PARK7: variants seen among roughly 807,000 people sequenced by gnomAD.
PARK7 encodes the protein Parkinsonism associated deglycase, also known as Parkinson disease protein 7.
In PARK7, 14 loss-of-function variants were observed where a neutral mutation model predicts 20.5. The ratio of observed to expected loss-of-function variants is 0.68; its 90% CI spans 0.45 to 1.07. The LOEUF (loss-of-function observed/expected upper bound fraction) is 1.07. PARK7 is among the 50% of genes least tolerant of loss of function. PARK7 has a pLI of 0.00. For synonymous variants in PARK7, 98 were observed against 84.3 expected (o/e 1.16, Z -0.89); for missense variants, 234 against 238.1 (o/e 0.98, Z 0.11).
At chr1:7,978,931 G>T (rs1640646625) in intron 6 of PARK7, among the ~76,000 whole-genome samples, 2 of 150,564 alleles carry the variant, frequency 1.3e-5, no homozygotes, top group South Asian at 4.2e-4. Flanking sequence ...TAACTAAAAT[G>T]AGATCTACTA....
At chr1:7,969,034 A>T in intron 3 of PARK7, 1 of 260,940 alleles carries the variant, frequency 3.8e-6, no homozygotes, top group Non-Finnish European at 7.4e-6. Flanking sequence ...GTGATTGTAC[A>T]CATACACGCA....
At chr1:7,968,126 G>A (rs1640367352) in intron 3 of PARK7, among the ~76,000 whole-genome samples, 1 of 151,682 alleles carries the variant, frequency 6.6e-6, no homozygotes, top group Non-Finnish European at 1.5e-5. Context: ...TGGTCAAGAG[G>A]GTGAAACCCC....
intron 6 of PARK7, among the ~76,000 whole-genome samples, chr1:7,979,924 G>C (rs375480578): frequency 1.3e-4 from 20 of 152,152 alleles, no homozygotes; most frequent in African/African-American, 4.1e-4. Context: ...GGGGAGGCCG[G>C]TGGGGGAGGT....
chr1:7,978,506 TC>T (rs1386232757), intron 6 of PARK7, among the ~76,000 whole-genome samples: 2 of 150,854 alleles, frequency 1.3e-5, no homozygotes, highest in African/African-American at 4.9e-5. Context: ...GACTCTCCTG[TC>T]TCAGCCTCCC....
chr1:7,972,308 C>CA (rs1640481994), intron 5 of PARK7, among the ~76,000 whole-genome samples: 1 of 151,978 alleles, frequency 6.6e-6, no homozygotes, highest in South Asian at 2.1e-4. Context: ...AACAAACAAA[C>CA]AAACAAAAAA....
intron 5 of PARK7, among the ~76,000 whole-genome samples, chr1:7,976,542 T>C (rs1000823782): frequency 2.0e-5 from 3 of 152,180 alleles, no homozygotes; most frequent in African/African-American, 4.8e-5. Context: ...GACACTTCCA[T>C]GTGGTTCTTT....
At chr1:7,968,023 T>G (rs1368933436) in intron 3 of PARK7, among the ~76,000 whole-genome samples, 2 of 152,062 alleles carry the variant, frequency 1.3e-5, no homozygotes, top group Admixed American at 6.6e-5. Flanking sequence ...TACTAAAGTA[T>G]TGTTGGCCGG....
intron 3 of PARK7, among the ~76,000 whole-genome samples, chr1:7,966,340 A>G (rs1214233765): frequency 2.6e-5 from 4 of 151,918 alleles, no homozygotes; most frequent in African/African-American, 9.7e-5. Context: ...ACTGGATTGT[A>G]GAAAATTAGA....
chr1:7,965,030 G>T (rs769349983), intron 2 of PARK7, among the ~76,000 whole-genome samples: 1 of 152,156 alleles, frequency 6.6e-6, no homozygotes, highest in Non-Finnish European at 1.5e-5. Flanking sequence ...ATTTGGTATA[G>T]TTGTGGTGCA....
rs1347804778 is a variant in PARK7, at chr1:7,977,885, G to C, written c.409+147G>C. 7.6e-6 allele frequency: 5 copies of C among 661,822 alleles called. No individual in the cohort carries two copies. The African/African-American group carries it at 9.0e-5, about 12-fold the overall frequency. 41.0% of individuals were successfully genotyped at this position (661,822 alleles called of 1,614,324 possible). On this transcript the variant is annotated intron_variant, in intron 6 of 6. Transcript: ENST00000338639. ...AGCGATTCTTCTCTCTCAGCCTCCT[G>C]AGTAGCTGGGATTACAGGCGCATGC...
chr1:7,965,924 C>G (rs1169741700), intron 3 of PARK7, among the ~76,000 whole-genome samples: 1 of 152,198 alleles, frequency 6.6e-6, no homozygotes, highest in Non-Finnish European at 1.5e-5. Context: ...ATCCTCCCAC[C>G]TCAACCCCCC....
intron 5 of PARK7, among the ~76,000 whole-genome samples, chr1:7,973,061 A>T (rs530816575): frequency 4.6e-5 from 7 of 152,260 alleles, no homozygotes; most frequent in African/African-American, 1.7e-4. Flanking sequence ...AAAAAGTAAT[A>T]ATTTTTAATA....
At chr1:7,969,184 C>A (rs1020046905) in intron 3 of PARK7, 161 bp from the exon 4 acceptor site, 2 of 610,312 alleles carry the variant, frequency 3.3e-6, no homozygotes, top group South Asian at 2.2e-5. Flanking sequence ...AACACCATTC[C>A]GTCATGTGGA....
At chr1:7,977,000 A>G (rs919239248) in intron 5 of PARK7, among the ~76,000 whole-genome samples, 10 of 152,312 alleles carry the variant, frequency 6.6e-5, no homozygotes, top group East Asian at 3.9e-4. Context: ...GAATACAGGC[A>G]TGAGCCACCG....
rs1469236748 is a variant in PARK7 at position 7,969,532 on chromosome 1, A to G, written c.252+128A>G. The G allele has an allele frequency of 9.2e-6, 7 of 757,420 alleles. No homozygotes were observed. The Admixed American group carries it at 1.3e-4, about 14-fold the overall frequency. The allele number at this position is 757,420 out of a possible 1,614,324, so 46.9% of individuals were successfully genotyped here. ...ATATTTCGGGAGGAGGCTGTGAAAAAAAAATAGAAACAACTAAAATTAACA... is the reference window on the plus strand; with the variant it reads ...ATATTTCGGGAGGAGGCTGTGAAAAGAAAATAGAAACAACTAAAATTAACA... On this transcript the variant is annotated intron_variant, in intron 4 of 6. Coordinates refer to ENST00000338639, the MANE Select transcript of PARK7 (RefSeq NM_007262.5).
chr1:7,982,641 G>A (rs1401313245), intron 6 of PARK7, among the ~76,000 whole-genome samples: 1 of 152,118 alleles, frequency 6.6e-6, no homozygotes, highest in Non-Finnish European at 1.5e-5. Flanking sequence ...GTTGTGCCTC[G>A]CGTTGTCCCA....
intron 4 of PARK7, among the ~76,000 whole-genome samples, chr1:7,969,714 G>A (rs537700611): frequency 2.6e-5 from 4 of 152,076 alleles, no homozygotes; most frequent in African/African-American, 9.6e-5. Flanking sequence ...TGAGTAGCTG[G>A]GATTGCAGGC....
At chr1:7,965,222 A>G (rs924084722) in intron 2 of PARK7, 102 bp from the exon 3 acceptor site, 11 of 1,044,870 alleles carry the variant, frequency 1.1e-5, no homozygotes, top group Non-Finnish European at 1.5e-5. Context: ...AGCCCAGGTG[A>G]CAGGGTGAGA....
At chr1:7,969,320 T>G (rs190257170) in intron 3 of PARK7, 25 bp from the exon 4 acceptor site, 3 of 1,585,564 alleles carry the variant, frequency 1.9e-6, no homozygotes, top group South Asian at 2.3e-5. Context: ...TGTTTTTGTT[T>G]TCTTTATGTT....
Sources: allele counts gnomAD v4.1 joint callset (sites outside exome capture counted in the v4.1 genomes callset), GRCh38; gene constraint gnomAD v4.1.1; transcripts MANE v1.5; gene names NCBI Gene and HGNC (gene_info 2026-07-23, HGNC 2026-07-21).